MLLT3: variants seen among roughly 807,000 people sequenced by gnomAD.
The protein encoded by MLLT3 is MLLT3 super elongation complex subunit.
MLLT3 carries 4 observed loss-of-function variants against 53.2 expected under a neutral mutation model. The observed-to-expected ratio is 0.08, with a 90% CI of 0.04 to 0.17. The LOEUF (loss-of-function observed/expected upper bound fraction) is 0.17, where lower values mean the gene tolerates loss of function less well. Ranked by LOEUF, MLLT3 falls within the 10% of genes least tolerant of loss-of-function variation. The probability of loss-of-function intolerance (pLI) is 1.00; values close to 1 mark genes in which losing one functional copy is unlikely to be tolerated. For synonymous variants in MLLT3, 283 were observed against 230.6 expected (o/e 1.23, Z -2.06); for missense variants, 569 against 684.0 (o/e 0.83, Z 1.87).
chr9:20,553,032 A>C (rs1171396404), intron 2 of MLLT3, among the ~76,000 whole-genome samples: 1 of 152,220 alleles, frequency 6.6e-6, no homozygotes, highest in African/African-American at 2.4e-5. Context: ...ACATCCAGAA[A>C]GTACTACAGA....
chr9:20,369,864 C>G (rs545502591), intron 5 of MLLT3, among the ~76,000 whole-genome samples: 2 of 152,150 alleles, frequency 1.3e-5, no homozygotes, highest in Non-Finnish European at 2.9e-5. Context: ...CACCCTACCC[C>G]CTAAGAAACA....
intron 2 of MLLT3, among the ~76,000 whole-genome samples, chr9:20,556,626 T>C (rs1005722205): frequency 6.6e-6 from 1 of 152,090 alleles, no homozygotes; most frequent in Admixed American, 6.6e-5. Flanking sequence ...GAGGTTGCAG[T>C]GATCCGAGAT....
chr9:20,361,956 C>T (rs1821334129), intron 7 of MLLT3, among the ~76,000 whole-genome samples: 1 of 152,194 alleles, frequency 6.6e-6, no homozygotes, highest in African/African-American at 2.4e-5. Flanking sequence ...AAAGGATACA[C>T]TGGGACATCC....
intron 2 of MLLT3, among the ~76,000 whole-genome samples, chr9:20,581,024 T>C (rs953878205): frequency 1.3e-5 from 2 of 152,262 alleles, no homozygotes; most frequent in Admixed American, 6.5e-5. Context: ...CAAATTCCAA[T>C]ACAAAATGAC....
intron 5 of MLLT3, among the ~76,000 whole-genome samples, chr9:20,398,475 G>C (rs1252959158): frequency 3.3e-5 from 5 of 152,098 alleles, no homozygotes; most frequent in African/African-American, 1.2e-4. Flanking sequence ...ATTCTGTCTT[G>C]ACAATTATGC....
rs185347655 is a variant in MLLT3, at chr9:20,465,361, T to C, written c.194-8575A>G. 2.2e-3 allele frequency among the ~76,000 whole-genome samples: 340 copies of C among 152,274 alleles called. 4 individuals are homozygous for C. Among genetic ancestry groups the C allele is most frequent in the African/African-American group, 7.9e-3 (327 of 41,570 alleles). On this transcript the variant is annotated intron_variant, in intron 2 of 10. Coordinates refer to ENST00000380338, the MANE Select transcript of MLLT3 (RefSeq NM_004529.4). ...AGATGGGTGTTGTTCTTTTAATAAA[T>C]GCACTGTATGAGAGTTACTTTTAAA...
intron 5 of MLLT3, among the ~76,000 whole-genome samples, chr9:20,369,319 G>C (rs147349887): frequency 1.3e-5 from 2 of 152,080 alleles, no homozygotes; most frequent in African/African-American, 4.8e-5. Flanking sequence ...TACAGGATGA[G>C]GCCACTGATT....
intron 4 of MLLT3, among the ~76,000 whole-genome samples, chr9:20,442,940 T>A (rs1823591538): frequency 6.6e-6 from 1 of 152,150 alleles, no homozygotes; most frequent in Non-Finnish European, 1.5e-5. Context: ...AAACAGGTGG[T>A]GTCTGAACAG....
At chr9:20,411,843 T>C (rs145371288) in intron 5 of MLLT3, 254 of 152,304 alleles carry the variant, frequency 1.7e-3, no homozygotes, top group African/African-American at 5.7e-3. Context: ...CTGTGTTTCA[T>C]GTAGAAAGAG....
chr9:20,373,993 TA>T (rs60787106), intron 5 of MLLT3, among the ~76,000 whole-genome samples: 118 of 145,536 alleles, frequency 8.1e-4, no homozygotes, highest in African/African-American at 9.2e-4. Context: ...TTGCTTAACA[TA>T]AAAAAAAAAA....
At chr9:20,388,282 T>C (rs1388336513) in intron 5 of MLLT3, among the ~76,000 whole-genome samples, 1 of 152,190 alleles carries the variant, frequency 6.6e-6, no homozygotes, top group Non-Finnish European at 1.5e-5. Context: ...TTGTCCTTTT[T>C]TGTTTATAAA....
intron 4 of MLLT3, among the ~76,000 whole-genome samples, chr9:20,438,601 CTTTAT>C (rs1184463108): frequency 3.3e-5 from 5 of 152,016 alleles, no homozygotes; most frequent in Admixed American, 6.6e-5. Context: ...TTTTATTTTA[CTTTAT>C]TTTATTTTTT....
chr9:20,496,772 T>C (rs1483403723), intron 2 of MLLT3, among the ~76,000 whole-genome samples: 2 of 152,220 alleles, frequency 1.3e-5, no homozygotes, highest in Non-Finnish European at 2.9e-5. Flanking sequence ...ACTATGCCAG[T>C]GGATTCAGGC....
At chr9:20,463,772 C>G (rs1238606948) in intron 2 of MLLT3, among the ~76,000 whole-genome samples, 1 of 152,088 alleles carries the variant, frequency 6.6e-6, no homozygotes, top group Non-Finnish European at 1.5e-5. Flanking sequence ...AATCTTGAGA[C>G]TTGTATTCCA....
intron 5 of MLLT3, among the ~76,000 whole-genome samples, chr9:20,401,559 C>T (rs1822457759): frequency 1.3e-5 from 2 of 152,326 alleles, no homozygotes; most frequent in Non-Finnish European, 1.5e-5. Context: ...CCATACTTTC[C>T]ATATGCTTCT....
intron 2 of MLLT3, among the ~76,000 whole-genome samples, chr9:20,576,880 C>T (rs573461752): frequency 1.1e-4 from 16 of 152,222 alleles, no homozygotes; most frequent in South Asian, 4.1e-4. Flanking sequence ...GTGGCACATG[C>T]CTGTAGTCCC....
chr9:20,560,211 G>A (rs536873631), intron 2 of MLLT3, among the ~76,000 whole-genome samples: 2 of 151,886 alleles, frequency 1.3e-5, no homozygotes, highest in Non-Finnish European at 2.9e-5. Flanking sequence ...ATAAGTTAAA[G>A]TGAAGAAAAA....
At chr9:20,428,586 C>T (rs546604188) in intron 4 of MLLT3, among the ~76,000 whole-genome samples, 1 of 151,984 alleles carries the variant, frequency 6.6e-6, no homozygotes, top group South Asian at 2.1e-4. Flanking sequence ...GCCACCAATC[C>T]TCGTCTGTGA....
intron 4 of MLLT3, among the ~76,000 whole-genome samples, chr9:20,446,021 G>GT (rs1170683878): frequency 6.6e-6 from 1 of 152,040 alleles, no homozygotes; most frequent in Non-Finnish European, 1.5e-5. Flanking sequence ...AAAAATCTAG[G>GT]TAAGCCAAAA....
Sources: gnomAD v4.1 joint callset for allele counts (sites outside exome capture counted in the v4.1 genomes callset) on GRCh38, gnomAD v4.1.1 for gene constraint, MANE v1.5 for transcripts, NCBI Gene and HGNC (gene_info 2026-07-23, HGNC 2026-07-21) for gene names.